Variants in CHRM3 observed in about 807,000 individuals in gnomAD.
CHRM3 encodes the protein muscarinic acetylcholine receptor M3.
A neutral mutation model predicts 41.8 loss-of-function variants in CHRM3; 11 were observed. The observed-to-expected ratio is 0.26, with a 90% CI of 0.17 to 0.44. The LOEUF (loss-of-function observed/expected upper bound fraction) is 0.44. Ranked by LOEUF, CHRM3 falls within the 20% of genes least tolerant of loss-of-function variation. The pLI is 1.00. For synonymous variants in CHRM3, 297 were observed against 301.4 expected (o/e 0.99, Z 0.15); for missense variants, 571 against 745.4 (o/e 0.77, Z 2.72).
chr1:239,494,633 C>T (rs142199746), intron 2 of CHRM3, among the ~76,000 whole-genome samples: 2,838 of 152,110 alleles, frequency 0.019, 42 homozygotes, highest in South Asian at 0.052. Context: ...TTTGCTGCAC[C>T]TATCAACCCA....
At chr1:239,657,464 C>A (rs1192630094) in intron 4 of CHRM3, among the ~76,000 whole-genome samples, 1 of 152,118 alleles carries the variant, frequency 6.6e-6, no homozygotes, top group Non-Finnish European at 1.5e-5. Flanking sequence ...AAATTTTTCC[C>A]CTGCAGAGCC....
intron 6 of CHRM3, among the ~76,000 whole-genome samples, chr1:239,832,562 G>C (rs1672978926): frequency 6.6e-6 from 1 of 151,974 alleles, no homozygotes; most frequent in African/African-American, 2.4e-5. Context: ...CTCGTGCAAG[G>C]AAGAATTCAG....
chr1:239,779,333 C>G (rs1668339920), intron 5 of CHRM3, among the ~76,000 whole-genome samples: 1 of 152,102 alleles, frequency 6.6e-6, no homozygotes, highest in African/African-American at 2.4e-5. Flanking sequence ...CACCAAAGAC[C>G]CTGGTTTACC....
intron 6 of CHRM3, among the ~76,000 whole-genome samples, chr1:239,883,845 A>G (rs1293541957): frequency 6.6e-6 from 1 of 152,258 alleles, no homozygotes; most frequent in Non-Finnish European, 1.5e-5. Context: ...ATCTATGTCT[A>G]TATTTATCCC....
intron 6 of CHRM3, among the ~76,000 whole-genome samples, chr1:239,838,378 C>A (rs1673503521): frequency 6.6e-6 from 1 of 151,980 alleles, no homozygotes; most frequent in Non-Finnish European, 1.5e-5. Context: ...TGCCATCCTA[C>A]ACCACAAACA....
intron 1 of CHRM3, among the ~76,000 whole-genome samples, chr1:239,415,742 C>G (rs1251553439): frequency 6.6e-6 from 1 of 152,144 alleles, no homozygotes; most frequent in Non-Finnish European, 1.5e-5. Context: ...AGGAGAAAAA[C>G]ATTTTTCAGT....
intron 6 of CHRM3, among the ~76,000 whole-genome samples, chr1:239,847,890 C>T (rs113557709): frequency 2.0e-4 from 29 of 148,532 alleles, no homozygotes; most frequent in African/African-American, 6.0e-4. Flanking sequence ...ACTCCAGCCT[C>T]GGCAACAGAG....
At chr1:239,899,078 C>G (rs1278435656) in intron 6 of CHRM3, among the ~76,000 whole-genome samples, 1 of 151,998 alleles carries the variant, frequency 6.6e-6, no homozygotes, top group East Asian at 1.9e-4. Flanking sequence ...CATTATTCAA[C>G]ACAAAATACA....
chr1:239,642,812 G>T (rs555365424), intron 4 of CHRM3, among the ~76,000 whole-genome samples: 214 of 152,310 alleles, frequency 1.4e-3, no homozygotes, highest in South Asian at 4.3e-3. Context: ...CTGGTGAGGA[G>T]CTGCGTTCCT....
chr1:239,528,616 G>A (rs1670160893), intron 2 of CHRM3, among the ~76,000 whole-genome samples: 1 of 152,188 alleles, frequency 6.6e-6, no homozygotes, highest in Admixed American at 6.5e-5. Flanking sequence ...GGGCAGGCTG[G>A]GCTCAGTGGT....
intron 5 of CHRM3, among the ~76,000 whole-genome samples, chr1:239,696,810 T>C (rs551203640): frequency 4.6e-5 from 7 of 152,258 alleles, no homozygotes; most frequent in African/African-American, 9.6e-5. Context: ...GCTCAGAATA[T>C]ACAGAGAAGC....
At chr1:239,430,467 G>T (rs1427014203) in intron 1 of CHRM3, among the ~76,000 whole-genome samples, 5 of 151,992 alleles carry the variant, frequency 3.3e-5, no homozygotes, top group Non-Finnish European at 5.9e-5. Flanking sequence ...AATAGGTATG[G>T]TTTTTGTGTG....
intron 4 of CHRM3, among the ~76,000 whole-genome samples, chr1:239,661,453 A>G (rs970314094): frequency 2.0e-5 from 3 of 152,236 alleles, no homozygotes; most frequent in African/African-American, 7.2e-5. Context: ...AAACAGTGGC[A>G]CACCTATGCA....
At chr1:239,480,290 T>A (rs1287227383) in intron 1 of CHRM3, among the ~76,000 whole-genome samples, 1 of 152,110 alleles carries the variant, frequency 6.6e-6, no homozygotes, top group Non-Finnish European at 1.5e-5. Context: ...ATAAGGGTAA[T>A]TATGTAGGTA....
chr1:239,613,947 G>A (rs1057485378), intron 3 of CHRM3, among the ~76,000 whole-genome samples: 2 of 152,116 alleles, frequency 1.3e-5, no homozygotes, highest in South Asian at 2.1e-4. Flanking sequence ...TTAAGGCCAA[G>A]AGTTTGAGAC....
chr1:239,414,832 G>A (rs1661373001), intron 1 of CHRM3, among the ~76,000 whole-genome samples: 1 of 152,054 alleles, frequency 6.6e-6, no homozygotes, highest in Non-Finnish European at 1.5e-5. Context: ...TAATTTATTG[G>A]TAAAAATACC....
At chr1:239,609,878 C>CA (rs1373551870) in intron 3 of CHRM3, among the ~76,000 whole-genome samples, 2 of 152,000 alleles carry the variant, frequency 1.3e-5, no homozygotes, top group Non-Finnish European at 2.9e-5. Context: ...TATTTAGGTA[C>CA]AGGCCATGTA....
chr1:239,775,162 T>A (rs1320080343), intron 5 of CHRM3, among the ~76,000 whole-genome samples: 1 of 152,192 alleles, frequency 6.6e-6, no homozygotes, highest in Non-Finnish European at 1.5e-5. Flanking sequence ...TTTTACCTCT[T>A]TTGGTAAGTT....
At chr1:239,761,330 G>A (rs1427899811) in intron 5 of CHRM3, among the ~76,000 whole-genome samples, 1 of 152,034 alleles carries the variant, frequency 6.6e-6, no homozygotes, top group African/African-American at 2.4e-5. Context: ...CTCTTTTAAT[G>A]CCCTCATCTA....
Sources: allele counts gnomAD v4.1 joint callset (sites outside exome capture counted in the v4.1 genomes callset), GRCh38; gene constraint gnomAD v4.1.1; transcripts MANE v1.5; gene names NCBI Gene and HGNC (gene_info 2026-07-23, HGNC 2026-07-21).